Variants in CLCN1 observed in about 807,000 individuals in gnomAD.
CLCN1 encodes chloride voltage-gated channel 1.
A neutral mutation model predicts 114.5 loss-of-function variants in CLCN1; 100 were observed. That is an observed-to-expected ratio of 0.87 (90% CI 0.74 to 1.03). CLCN1 has a LOEUF of 1.03. Among genes scored for constraint, CLCN1 ranks in the 50% least tolerant of loss-of-function variants. CLCN1 has a pLI of 0.00. For synonymous variants in CLCN1, 485 were observed against 487.1 expected, an observed-to-expected ratio of 1.00 and a Z score of 0.06; for missense variants, 1,188 against 1,250.0, an observed-to-expected ratio of 0.95 and a Z score of 0.75.
intron 12 of CLCN1, among the ~76,000 whole-genome samples, chr7:143,337,804 A>G (rs527399716): frequency 1.8e-5 from 1 of 54,696 alleles, no homozygotes; most frequent in South Asian, 6.5e-4. Context: ...CTATTTCTCA[A>G]TTCTTTTTTT....
intron 12 of CLCN1, among the ~76,000 whole-genome samples, chr7:143,333,288 G>A (rs1202414564): frequency 1.4e-5 from 2 of 144,804 alleles, no homozygotes; most frequent in African/African-American, 2.5e-5. Flanking sequence ...GTGACAGAGT[G>A]TGATTCTGTC....
rs2116865462 is a variant in CLCN1, at chr7:143,339,678, C to G, written c.1582+57C>G. On this transcript the variant is annotated intron_variant, in intron 14 of 22. Transcript: ENST00000343257. The surrounding 1 kb of genome is among the most constrained non-coding windows in gnomAD (Gnocchi z 4.1). ...ACATTGAGTACTTCAGATCCCCACA[C>G]TTAAACTCTCCCATTGGATCTTCAT... 2.9e-6 allele frequency: 3 copies of G among 1,036,770 alleles called. No individual in the cohort carries two copies. The highest frequency in any genetic ancestry group is 4.6e-6 in the Non-Finnish European group (3 of 654,262). The allele number at this position is 1,036,770 out of a possible 1,614,324, so 64.2% of individuals were successfully genotyped here. A position where few individuals can be genotyped will look rare whatever the true frequency, so the allele number is the denominator to read the frequency against.
chr7:143,321,943 CA>C lies in CLCN1; in HGVS notation c.696+96del, dbSNP rs1802451626. ...GGGAGCTCTGGGAGTGGAAGTGGAT[CA>C]GGGGACAGGACCAAGGCCAGGGCCA... On this transcript the variant is annotated intron_variant, in intron 5 of 22. Transcript: ENST00000343257. This position sits in a 1 kb window ranked among gnomAD's most constrained non-coding sequence, Gnocchi z 4.2. 1.4e-6 allele frequency: 2 copies of C among 1,426,958 alleles called. No homozygotes were observed. The highest frequency in any genetic ancestry group is 1.9e-6 in the Non-Finnish European group (2 of 1,043,648). 88.4% of individuals were successfully genotyped at this position (1,426,958 alleles called of 1,614,324 possible). A position where few individuals can be genotyped will look rare whatever the true frequency, so the allele number is the denominator to read the frequency against.
chr7:143,342,379 A>G lies in CLCN1; in HGVS notation c.1804A>G (p.Thr602Ala). The change falls in exon 16 of 23, where the codon ACC becomes GCC. Residue 602 changes from threonine (T) to alanine (A), a missense_variant. Physicochemically the swap from Thr to Ala is moderately conservative, Grantham distance 58. Coordinates refer to ENST00000343257, the MANE Select transcript of CLCN1 (RefSeq NM_000083.3). ...DLGWNQLSKY[T>A]IFVEDIMVRD... ...TGCTTTCTCCCTCCATAGCAAATAT[A>G]CCATCTTTGTTGAGGACATCATGGT... 2 of 1,614,184 alleles carry G rather than the reference A, an allele frequency of 1.2e-6. No individual in the cohort carries two copies. The highest frequency in any genetic ancestry group is 1.7e-6 in the Non-Finnish European group (2 of 1,180,022).
At chr7:143,345,898 G>T in intron 17 of CLCN1, 136 bp downstream of exon 17, 1 of 1,292,526 alleles carries the variant, frequency 7.7e-7, no homozygotes, top group Non-Finnish European at 1.1e-6. Flanking sequence ...GGAGAGTCTG[G>T]TAACTGAGAA....
Position 143,316,142 on chromosome 7 carries a change from T to C in CLCN1, c.-71T>C, listed in dbSNP as rs1162916118. On this transcript the variant is annotated 5_prime_UTR_variant, in exon 1 of 23. Transcript: ENST00000343257. ...CTTGGGGACAGCAAGAGCAGAGGCT[T>C]AAGGAGCTACACTGGGGGAAGGACA... 2 of 1,284,966 alleles carry C rather than the reference T, an allele frequency of 1.6e-6. No individual in the cohort carries two copies. The highest frequency in any genetic ancestry group is 2.3e-6 in the Non-Finnish European group (2 of 888,558). 79.6% of individuals were successfully genotyped at this position (1,284,966 alleles called of 1,614,324 possible). A position where few individuals can be genotyped will look rare whatever the true frequency, so the allele number is the denominator to read the frequency against.
In CLCN1 at chr7:143,339,357, G is replaced by A; in HGVS notation, c.1471+35G>A. On this transcript the variant is annotated intron_variant, in intron 13 of 22. Transcript: ENST00000343257. The surrounding 1 kb of genome is among the most constrained non-coding windows in gnomAD (Gnocchi z 4.1). ...GATGGGAAGCCTGGGGTCTGACTGA[G>A]AGTTGCAATCTAGGATACAGGAAAC... 6.5e-7 allele frequency: 1 copy of A among 1,532,044 alleles called. No individual in the cohort carries two copies. The highest frequency in any genetic ancestry group is 9.0e-7 in the Non-Finnish European group (1 of 1,105,276). 94.9% of individuals were successfully genotyped at this position (1,532,044 alleles called of 1,614,324 possible).
intron 12 of CLCN1, among the ~76,000 whole-genome samples, chr7:143,335,240 C>T (rs898384558): frequency 6.6e-6 from 1 of 151,742 alleles, no homozygotes; most frequent in Non-Finnish European, 1.5e-5. Flanking sequence ...TTTGAGAAAC[C>T]TACTTAGATG....
In CLCN1 at chr7:143,316,286, T is replaced by C. The variant is rs766386297; in HGVS notation, c.74T>C (p.Met25Thr). The C allele has an allele frequency of 6.2e-7, 1 of 1,613,700 alleles. No homozygotes were observed. The highest frequency in any genetic ancestry group is 1.1e-5 in the South Asian group (1 of 91,076). The part of the protein sequence containing the change: ...WWGSDPQYQY[M>T]PFEHCTSYGL... ...GGTAGTGACCCCCAGTACCAGTATATGCCCTTTGAACACTGCACCAGCTAC... is the reference window on the plus strand; with the variant it reads ...GGTAGTGACCCCCAGTACCAGTATACGCCCTTTGAACACTGCACCAGCTAC... Residue 25 changes from methionine (M) to threonine (T), a missense_variant, in exon 1 of 23, where the codon ATG becomes ACG. Met to Thr is a moderately conservative substitution (Grantham distance 81). Transcript: ENST00000343257.
intron 7 of CLCN1, among the ~76,000 whole-genome samples, chr7:143,325,635 G>A (rs1163264084): frequency 6.6e-6 from 1 of 152,164 alleles, no homozygotes; most frequent in Non-Finnish European, 1.5e-5. Flanking sequence ...TTATTTACTC[G>A]TTAGCCTTTC....
chr7:143,319,420 T>G (rs142723790), intron 1 of CLCN1, among the ~76,000 whole-genome samples: 373 of 152,314 alleles, frequency 2.4e-3, no homozygotes, highest in Middle Eastern at 0.01. Context: ...AACACCTGAT[T>G]GATATGGCCA....
chr7:143,351,525 C>T, intron 22 of CLCN1, 69 bp from the exon 23 acceptor site: 1 of 1,536,806 alleles, frequency 6.5e-7, no homozygotes, highest in Non-Finnish European at 8.9e-7. Flanking sequence ...TTTTCTGTGT[C>T]TCTCACTGCC....
At chr7:143,318,623 G>T (rs1488440068) in intron 1 of CLCN1, among the ~76,000 whole-genome samples, 4 of 152,168 alleles carry the variant, frequency 2.6e-5, no homozygotes, top group Non-Finnish European at 5.9e-5. Flanking sequence ...CCCTGCATGG[G>T]ACCAGCCAGA....
intron 12 of CLCN1, among the ~76,000 whole-genome samples, chr7:143,335,237 A>T (rs1802842800): frequency 6.6e-6 from 1 of 152,000 alleles, no homozygotes. Flanking sequence ...TATTTTGAGA[A>T]ACCTACTTAG....
In CLCN1 at chr7:143,350,594, C is replaced by T. The variant is rs1803368206; in HGVS notation, c.2535C>T (p.Gly845=). ...HKTHTLFSLL[G]LHLAYVTSMG... Reference sequence around the variant, plus strand: ...CTCATACCCTGTTTTCACTCCTTGGCCTCCACCTCGCTTACGTGACCAGCA... The same window carrying T: ...CTCATACCCTGTTTTCACTCCTTGGTCTCCACCTCGCTTACGTGACCAGCA... Residue 845 remains glycine, a synonymous_variant, in exon 22 of 23, where the codon GGC becomes GGT. Transcript: ENST00000343257. The surrounding 1 kb of genome is among the most constrained non-coding windows in gnomAD (Gnocchi z 5.1). 5.0e-6 allele frequency: 8 copies of T among 1,614,016 alleles called. No homozygotes were observed. The South Asian group carries it at 8.8e-5, about 18-fold the overall frequency.
At chr7:143,336,658 G>GCAAA in intron 12 of CLCN1, among the ~76,000 whole-genome samples, 1 of 37,256 alleles carries the variant, frequency 2.7e-5, no homozygotes, top group African/African-American at 1.5e-4. Flanking sequence ...AGGAAGGAAG[G>GCAAA]GAAAGAAAGA....
At position 143,350,870 on chromosome 7, in the gene CLCN1, C is replaced by T. The variant is rs189876438; in HGVS notation, c.2595+216C>T. On this transcript the variant is annotated intron_variant, in intron 22 of 22. Coordinates refer to ENST00000343257, the MANE Select transcript of CLCN1 (RefSeq NM_000083.3). This position sits in a 1 kb window ranked among gnomAD's most constrained non-coding sequence, Gnocchi z 5.1. ...TCAGCTCACTGCAACCTCCGCCTCCCGGGTTCAAGTGATTCTCCTGCCTCA... is the reference window on the plus strand; with the variant it reads ...TCAGCTCACTGCAACCTCCGCCTCCTGGGTTCAAGTGATTCTCCTGCCTCA... Among the ~76,000 whole-genome samples the T allele has an allele frequency of 0.019, 2,847 of 152,004 alleles. 102 individuals carry two copies. The highest frequency in any genetic ancestry group is 0.066 in the African/African-American group (2,720 of 41,442).
intron 12 of CLCN1, among the ~76,000 whole-genome samples, chr7:143,333,772 G>C (rs1051664482): frequency 5.3e-5 from 8 of 152,166 alleles, no homozygotes; most frequent in African/African-American, 1.9e-4. Context: ...TATTCTTCTA[G>C]CTTCAACTAG....
At chr7:143,333,659 A>G (rs1219254961) in intron 12 of CLCN1, among the ~76,000 whole-genome samples, 1 of 152,210 alleles carries the variant, frequency 6.6e-6, no homozygotes, top group Non-Finnish European at 1.5e-5. Context: ...AAAGGGATAA[A>G]ATATTTAAAT....
Sources: gnomAD v4.1 joint callset for allele counts (sites outside exome capture counted in the v4.1 genomes callset) on GRCh38, gnomAD v4.1.1 for gene constraint, Gnocchi (gnomAD v3.1) non-coding constraint, MANE v1.5 for transcripts, NCBI Gene and HGNC (gene_info 2026-07-23, HGNC 2026-07-21) for gene names.